Variants in STXBP6 observed in about 807,000 individuals in gnomAD.
STXBP6 encodes syntaxin-binding protein 6.
STXBP6 carries 21 observed loss-of-function variants against 26.9 expected under a neutral mutation model. The observed-to-expected ratio is 0.78, with a 90% CI of 0.55 to 1.12. The LOEUF is 1.12. STXBP6 is among the 50% of genes most tolerant of loss of function. The pLI is 0.00. For missense variants in STXBP6, 232 were observed against 257.9 expected (o/e 0.90, Z 0.69); for synonymous variants, 97 against 92.6 (o/e 1.05, Z -0.27).
At chr14:25,046,684 G>A (rs1194148446) in intron 1 of STXBP6, among the ~76,000 whole-genome samples, 1 of 152,140 alleles carries the variant, frequency 6.6e-6, no homozygotes, top group Non-Finnish European at 1.5e-5. Flanking sequence ...GGCTCCCACA[G>A]CCTCTCTGAT....
At chr14:24,859,588 A>G (rs1382976789) in intron 2 of STXBP6, among the ~76,000 whole-genome samples, 1 of 152,142 alleles carries the variant, frequency 6.6e-6, no homozygotes, top group African/African-American at 2.4e-5. Flanking sequence ...CGCCAGTCAC[A>G]CAAAATCCAG....
chr14:24,835,564 T>C (rs1305583051), intron 4 of STXBP6, among the ~76,000 whole-genome samples: 1 of 152,204 alleles, frequency 6.6e-6, no homozygotes, highest in African/African-American at 2.4e-5. Context: ...TTTTAGAATA[T>C]TGTTTAAAAA....
intron 2 of STXBP6, among the ~76,000 whole-genome samples, chr14:24,933,388 G>A (rs2072490691): frequency 6.6e-6 from 1 of 151,992 alleles, no homozygotes; most frequent in Admixed American, 6.6e-5. Flanking sequence ...ACTTCCTAAA[G>A]AGCACATATA....
intron 1 of STXBP6, chr14:24,987,758 C>G: frequency 1.2e-6 from 1 of 848,076 alleles, no homozygotes; most frequent in Non-Finnish European, 1.4e-6. Context: ...CAAGTCAAGT[C>G]TTTCCCACTG....
intron 2 of STXBP6, among the ~76,000 whole-genome samples, chr14:24,871,486 T>A (rs945848018): frequency 6.6e-6 from 1 of 152,172 alleles, no homozygotes; most frequent in Non-Finnish European, 1.5e-5. Context: ...ATAACTTCCA[T>A]GAATATGTGC....
At chr14:25,030,199 G>T (rs899032120) in intron 1 of STXBP6, among the ~76,000 whole-genome samples, 11 of 152,208 alleles carry the variant, frequency 7.2e-5, no homozygotes, top group African/African-American at 2.7e-4. Context: ...CAATTCAACA[G>T]GCTGGAGTAA....
At position 25,016,069 on chromosome 14, in the gene STXBP6, G is replaced by T. The variant is rs116814218; in HGVS notation, c.-33+33809C>A. ...AAGTTATGAGTGGAAGTGTCAGAGGGCTGTTGTAATAGTTGAGATGAGAAA... is the reference window on the plus strand; with the variant it reads ...AAGTTATGAGTGGAAGTGTCAGAGGTCTGTTGTAATAGTTGAGATGAGAAA... On this transcript the variant is annotated intron_variant, in intron 1 of 5. Transcript: ENST00000323944. 7.0e-3 allele frequency among the ~76,000 whole-genome samples: 1,064 copies of T among 152,296 alleles called. 11 individuals carry two copies. Among genetic ancestry groups the T allele is most frequent in the African/African-American group, 0.024 (1,002 of 41,564 alleles).
chr14:24,947,675 A>G (rs2140033346), intron 2 of STXBP6, among the ~76,000 whole-genome samples: 1 of 152,314 alleles, frequency 6.6e-6, no homozygotes, highest in South Asian at 2.1e-4. Context: ...GGGCTGTTCA[A>G]CTTAATAGTA....
intron 4 of STXBP6, among the ~76,000 whole-genome samples, chr14:24,838,888 A>C (rs1280524533): frequency 1.3e-5 from 2 of 152,178 alleles, no homozygotes; most frequent in East Asian, 3.9e-4. Context: ...GAAAATTTCT[A>C]AGAGATTTAA....
chr14:24,890,118 A>T (rs577755568), intron 2 of STXBP6, among the ~76,000 whole-genome samples: 2 of 152,400 alleles, frequency 1.3e-5, no homozygotes, highest in African/African-American at 4.8e-5. Flanking sequence ...AAAATGGATG[A>T]CAAGCAGTCT....
chr14:24,933,310 C>T (rs1022266913), intron 2 of STXBP6, among the ~76,000 whole-genome samples: 2 of 152,080 alleles, frequency 1.3e-5, no homozygotes, highest in African/African-American at 4.8e-5. Context: ...CCACTGCACT[C>T]CAGCCTGAGT....
intron 1 of STXBP6, among the ~76,000 whole-genome samples, chr14:25,026,002 T>C (rs2140444657): frequency 6.6e-6 from 1 of 152,342 alleles, no homozygotes; most frequent in African/African-American, 2.4e-5. Context: ...TCACATTGTC[T>C]TCCGTGTATC....
At chr14:24,885,411 T>C (rs191257039) in intron 2 of STXBP6, among the ~76,000 whole-genome samples, 1 of 152,298 alleles carries the variant, frequency 6.6e-6, no homozygotes, top group East Asian at 1.9e-4. Context: ...CAGGGTAAAC[T>C]GCTAAGGCCA....
At chr14:24,877,528 C>T (rs772198541) in intron 2 of STXBP6, among the ~76,000 whole-genome samples, 1 of 151,944 alleles carries the variant, frequency 6.6e-6, no homozygotes, top group South Asian at 2.1e-4. Flanking sequence ...TTCCTTCCTC[C>T]CTCCTTCCCT....
chr14:24,816,579 A>C (rs1264843574), intron 5 of STXBP6: 2 of 152,114 alleles, frequency 1.3e-5, no homozygotes, highest in African/African-American at 4.8e-5. Context: ...GGGGAAACCA[A>C]AATAAACACA....
chr14:24,902,501 T>C (rs1197885067), intron 2 of STXBP6, among the ~76,000 whole-genome samples: 1 of 152,206 alleles, frequency 6.6e-6, no homozygotes, highest in Non-Finnish European at 1.5e-5. Context: ...CTACCATAGA[T>C]GCTTCGTTAA....
At chr14:24,883,330 CAATT>C (rs1244807799) in intron 2 of STXBP6, among the ~76,000 whole-genome samples, 1 of 152,054 alleles carries the variant, frequency 6.6e-6, no homozygotes, top group African/African-American at 2.4e-5. Flanking sequence ...ACATTTGTAA[CAATT>C]AATGAATCCA....
chr14:24,815,205 T>C (rs1192660134), intron 5 of STXBP6, among the ~76,000 whole-genome samples: 1 of 152,150 alleles, frequency 6.6e-6, no homozygotes, highest in Non-Finnish European at 1.5e-5. Flanking sequence ...CCTCCTCTTA[T>C]GTCTATAAAA....
chr14:24,882,847 C>G (rs1406576383), intron 2 of STXBP6, among the ~76,000 whole-genome samples: 1 of 152,168 alleles, frequency 6.6e-6, no homozygotes, highest in Non-Finnish European at 1.5e-5. Context: ...ATTTACGTAT[C>G]TAAAAGCTGG....
Sources: allele counts gnomAD v4.1 joint callset (sites outside exome capture counted in the v4.1 genomes callset), GRCh38; gene constraint gnomAD v4.1.1; transcripts MANE v1.5; gene names NCBI Gene and HGNC (gene_info 2026-07-23, HGNC 2026-07-21).